The following PACRG variants were observed in gnomAD, a reference collection of about 807,000 sequenced individuals.
PACRG encodes parkin coregulated gene protein.
A neutral mutation model predicts 29.7 loss-of-function variants in PACRG; 29 were observed. That is an observed-to-expected ratio of 0.98 (90% CI 0.73 to 1.33). PACRG has a LOEUF of 1.33. PACRG is among the 40% of genes most tolerant of loss of function. PACRG has a pLI of 0.00. For missense variants in PACRG, 279 were observed against 316.2 expected (o/e 0.88, Z 0.89); for synonymous variants, 116 against 118.7 (o/e 0.98, Z 0.15).
intron 2 of PACRG, among the ~76,000 whole-genome samples, chr6:162,843,320 C>T (rs1789982189): frequency 2.1e-5 from 3 of 145,296 alleles, no homozygotes; most frequent in African/African-American, 2.6e-5. Flanking sequence ...TTTCTCTAAA[C>T]TTCCCTTCTC....
In PACRG at chr6:162,916,475, A is replaced by G. The variant is rs543441137; in HGVS notation, c.291+102194A>G. Among the ~76,000 whole-genome samples the G allele has an allele frequency of 2.6e-5, 4 of 152,218 alleles. No homozygotes were observed. The South Asian group carries it at 8.3e-4, about 32-fold the overall frequency. ...TTTCTTCAAATATATTTTCTGTTTTAATCTTTTTCTCCTTCCCTTCTGGAA... is the reference window on the plus strand; with the variant it reads ...TTTCTTCAAATATATTTTCTGTTTTGATCTTTTTCTCCTTCCCTTCTGGAA... On this transcript the variant is annotated intron_variant, in intron 2 of 4. Coordinates refer to ENST00000366888, the MANE Select transcript of PACRG (RefSeq NM_001080379.2).
intron 2 of PACRG, among the ~76,000 whole-genome samples, chr6:162,898,705 A>G (rs1373620786): frequency 6.6e-6 from 1 of 152,242 alleles, no homozygotes; most frequent in African/African-American, 2.4e-5. Context: ...GTTCACACAA[A>G]TACAGGACTT....
chr6:162,882,657 C>G (rs778146783), intron 2 of PACRG, among the ~76,000 whole-genome samples: 3 of 152,138 alleles, frequency 2.0e-5, no homozygotes, highest in African/African-American at 7.2e-5. Context: ...TGATGAGACT[C>G]GACTCTGAAC....
chr6:162,851,969 G>A (rs1425279622), intron 2 of PACRG, among the ~76,000 whole-genome samples: 1 of 123,968 alleles, frequency 8.1e-6, no homozygotes, highest in African/African-American at 3.3e-5. Flanking sequence ...AGGAAGGAAG[G>A]GAAAAGAGAA....
intron 4 of PACRG, among the ~76,000 whole-genome samples, chr6:163,176,031 A>T (rs879043300): frequency 6.6e-6 from 1 of 152,202 alleles, no homozygotes; most frequent in Admixed American, 6.5e-5. Flanking sequence ...TTCTAGTCAA[A>T]GTAACCTTAC....
chr6:163,139,522 AG>A (rs1225876281), intron 4 of PACRG, among the ~76,000 whole-genome samples: 1 of 152,194 alleles, frequency 6.6e-6, no homozygotes, highest in African/African-American at 2.4e-5. Flanking sequence ...TCTGTTTCAC[AG>A]GGTTGCCTGA....
At chr6:163,105,382 A>G (rs1017142521) in intron 4 of PACRG, among the ~76,000 whole-genome samples, 2 of 152,190 alleles carry the variant, frequency 1.3e-5, no homozygotes, top group African/African-American at 2.4e-5. Flanking sequence ...TCTAATTACT[A>G]TTTAATTTCT....
At position 162,874,145 on chromosome 6, in the gene PACRG, A is replaced by C. The variant is rs1365697396; in HGVS notation, c.291+59864A>C. Among the ~76,000 whole-genome samples, 29 of 109,042 alleles carry C rather than the reference A, an allele frequency of 2.7e-4. 2 individuals carry two copies. The highest frequency in any genetic ancestry group is 4.6e-4 in the Non-Finnish European group (24 of 52,078). The allele number at this position is 109,042 out of a possible 152,430, so 71.5% of individuals were successfully genotyped here. ...GGCAAAAACATGAGGGAGTTAAAAA[A>C]AAAAAAATATATATATATATATGTA... On this transcript the variant is annotated intron_variant, in intron 2 of 4. Transcript: ENST00000366888.
intron 4 of PACRG, among the ~76,000 whole-genome samples, chr6:163,261,041 C>T (rs757818611): frequency 2.0e-5 from 3 of 151,926 alleles, no homozygotes; most frequent in African/African-American, 7.3e-5. Flanking sequence ...AAGCAGAGTT[C>T]GAATCCTTCC....
upstream of PACRG, chr6:162,727,712 G>C (rs770057490): frequency 4.5e-6 from 7 of 1,551,116 alleles, no homozygotes; most frequent in African/African-American, 8.2e-5. Flanking sequence ...ACAGGCCCAT[G>C]CGCGCAGCGG....
intron 2 of PACRG, among the ~76,000 whole-genome samples, chr6:162,908,024 TGA>T (rs60727169): frequency 0.023 from 3,550 of 152,316 alleles, 135 homozygotes; most frequent in African/African-American, 0.082. Flanking sequence ...CTGCAAATTT[TGA>T]GAGTTATACA....
intron 2 of PACRG, among the ~76,000 whole-genome samples, chr6:162,834,972 A>G (rs1159364733): frequency 6.6e-6 from 1 of 152,114 alleles, no homozygotes; most frequent in Non-Finnish European, 1.5e-5. Flanking sequence ...CTATAAGAGT[A>G]ACTTAAACGA....
intron 4 of PACRG, among the ~76,000 whole-genome samples, chr6:163,277,809 A>G (rs1784099587): frequency 6.6e-6 from 1 of 151,906 alleles, no homozygotes; most frequent in South Asian, 2.1e-4. Context: ...ATGTACAAGT[A>G]TCTTTTTCAT....
chr6:162,879,619 A>G (rs1217841899), intron 2 of PACRG, among the ~76,000 whole-genome samples: 1 of 152,272 alleles, frequency 6.6e-6, no homozygotes, highest in Non-Finnish European at 1.5e-5. Context: ...CTCAGTGGTT[A>G]GGGTAAATAG....
intron 2 of PACRG, among the ~76,000 whole-genome samples, chr6:163,011,453 A>G (rs1297035212): frequency 7.9e-5 from 12 of 152,342 alleles, no homozygotes; most frequent in Non-Finnish European, 1.8e-4. Context: ...AAAGATAAAA[A>G]ATGGTACACC....
intron 2 of PACRG, among the ~76,000 whole-genome samples, chr6:163,060,485 A>G (rs1811002050): frequency 1.3e-5 from 2 of 152,228 alleles, no homozygotes. Context: ...TATGCTGAAT[A>G]ACATAAATTT....
chr6:162,981,305 A>ATATATATATATATATATTTTTT lies in PACRG; in HGVS notation c.292-80844_292-80843insATATATATATATATATTTTTTT, dbSNP rs925663285. On this transcript the variant is annotated intron_variant, in intron 2 of 4. Coordinates refer to ENST00000366888, the MANE Select transcript of PACRG (RefSeq NM_001080379.2). The stretch of plus-strand genomic sequence containing the variant: ...ATGTATAAAACATATATATATATAT[A>ATATATATATATATATATTTTTT]TTTACAATGGCAAAAATATAGAACC... Among the ~76,000 whole-genome samples the ATATATATATATATATATTTTTT allele has an allele frequency of 3.4e-5, 5 of 149,160 alleles. No individual in the cohort carries two copies. In the South Asian group the frequency reaches 1.0e-3, roughly 31 times the overall value.
intron 2 of PACRG, among the ~76,000 whole-genome samples, chr6:162,907,215 G>A (rs879548313): frequency 1.3e-5 from 2 of 151,852 alleles, no homozygotes; most frequent in African/African-American, 4.8e-5. Context: ...TGGAAATTTT[G>A]CCCTTTAAAT....
At chr6:163,233,792 G>A (rs1266827586) in intron 4 of PACRG, among the ~76,000 whole-genome samples, 1 of 152,140 alleles carries the variant, frequency 6.6e-6, no homozygotes, top group African/African-American at 2.4e-5. Flanking sequence ...GATAACTTCT[G>A]GATTTCTGTT....
Sources: gnomAD v4.1 joint callset for allele counts (sites outside exome capture counted in the v4.1 genomes callset) on GRCh38, gnomAD v4.1.1 for gene constraint, MANE v1.5 for transcripts, NCBI Gene and HGNC (gene_info 2026-07-23, HGNC 2026-07-21) for gene names.